NECAB2: variants seen among roughly 807,000 people sequenced by gnomAD.
The protein encoded by NECAB2 is N-terminal EF-hand calcium binding protein 2, also known as N-terminal EF-hand calcium-binding protein 2.
In NECAB2, 68 loss-of-function variants were observed where a neutral mutation model predicts 51.9. That is an observed-to-expected ratio of 1.31 (90% confidence interval 1.08 to 1.60). NECAB2 has a LOEUF of 1.60. Among genes scored for constraint, NECAB2 ranks in the 40% most tolerant of loss-of-function variants. The pLI, the probability that NECAB2 is intolerant of heterozygous loss-of-function variation, is 0.00. For missense variants in NECAB2, 854 were observed against 490.3 expected (o/e 1.74, Z -7.00); for synonymous variants, 329 against 203.5 (o/e 1.62, Z -5.25).
At chr16:83,991,867 G>T (rs1374709285) in intron 6 of NECAB2, among the ~76,000 whole-genome samples, 1 of 149,900 alleles carries the variant, frequency 6.7e-6, no homozygotes, top group Non-Finnish European at 1.5e-5. Context: ...TGTTGGCCAG[G>T]CTGTTCTCAA....
intron 10 of NECAB2, among the ~76,000 whole-genome samples, chr16:83,999,456 G>C (rs2084777427): frequency 6.6e-6 from 1 of 152,174 alleles, no homozygotes; most frequent in Non-Finnish European, 1.5e-5. Flanking sequence ...CGGCAAGCCT[G>C]GAGAGCCAGG....
chr16:83,994,444 TGG>T, intron 7 of NECAB2, 24 bp downstream of exon 7: 1 of 1,612,052 alleles, frequency 6.2e-7, no homozygotes, highest in Non-Finnish European at 8.5e-7. Flanking sequence ...GGGGCCCTGG[TGG>T]GGGTACCAGC....
At chr16:83,979,718 G>T in intron 3 of NECAB2, among the ~76,000 whole-genome samples, 1 of 141,356 alleles carries the variant, frequency 7.1e-6, no homozygotes, top group Admixed American at 7.0e-5. Context: ...GGAGGCACTG[G>T]TTTGAGAGTC....
intron 2 of NECAB2, among the ~76,000 whole-genome samples, chr16:83,975,772 A>G (rs2084401581): frequency 6.6e-6 from 1 of 152,160 alleles, no homozygotes; most frequent in African/African-American, 2.4e-5. Flanking sequence ...GGCATTTGAA[A>G]GGTCATGGAG....
At chr16:83,996,145 C>G (rs1229266605) in intron 8 of NECAB2, among the ~76,000 whole-genome samples, 1 of 152,180 alleles carries the variant, frequency 6.6e-6, no homozygotes, top group Non-Finnish European at 1.5e-5. Flanking sequence ...CTCTAGGGGC[C>G]CCTGGCTGGG....
intron 2 of NECAB2, among the ~76,000 whole-genome samples, chr16:83,974,022 C>T (rs776403539): frequency 1.4e-5 from 2 of 147,556 alleles, no homozygotes; most frequent in Non-Finnish European, 2.9e-5. Flanking sequence ...CTCCCCCCAT[C>T]AGAGGCCATG....
chr16:83,992,988 A>G (rs545931152), intron 6 of NECAB2, among the ~76,000 whole-genome samples: 1 of 152,206 alleles, frequency 6.6e-6, no homozygotes, highest in Non-Finnish European at 1.5e-5. Context: ...GGTCAGCTCC[A>G]TCACGCGTCA....
chr16:83,968,579 TCG>T lies in NECAB2; in HGVS notation c.-65_-64del, dbSNP rs1045204912. 5 of 958,900 alleles carry T rather than the reference TCG, an allele frequency of 5.2e-6. No individual in the cohort carries two copies. The African/African-American group carries it at 9.2e-5, about 18-fold the overall frequency. 59.4% of individuals were successfully genotyped at this position (958,900 alleles called of 1,614,324 possible). On this transcript the variant is annotated 5_prime_UTR_variant, in exon 1 of 13. Transcript: ENST00000305202. ...CGGCGCGGGCAGCGCGGGGAGGGGG[TCG>T]CGCGGGGGCGGGCCGCAGCTGGGCG...
intron 5 of NECAB2, among the ~76,000 whole-genome samples, chr16:83,984,231 G>A (rs1451353407): frequency 6.6e-5 from 10 of 151,602 alleles, no homozygotes; most frequent in African/African-American, 1.9e-4. Flanking sequence ...TCCTGACCTC[G>A]TGATCTGTCC....
Position 84,000,701 on chromosome 16 carries a change from C to A in NECAB2, c.963-23C>A, listed in dbSNP as rs760144985. On this transcript the variant is annotated intron_variant, in intron 10 of 12. Transcript: ENST00000305202. ...GCCTTGGTTGAGCTCCAGCCTCCTC[C>A]CCCCGACCATCTCCTGTTGCAGCAT... is the stretch of plus-strand genomic sequence containing the variant. 3.1e-6 allele frequency: 5 copies of A among 1,612,358 alleles called. No homozygotes were observed. In the African/African-American group the frequency reaches 5.3e-5, roughly 17 times the overall value.
intron 5 of NECAB2, among the ~76,000 whole-genome samples, chr16:83,989,311 C>T (rs1359075641): frequency 6.6e-6 from 1 of 152,188 alleles, no homozygotes; most frequent in South Asian, 2.1e-4. Context: ...CCAGCAGACC[C>T]TGGTCTGGCT....
Sources: allele counts gnomAD v4.1 joint callset (sites outside exome capture counted in the v4.1 genomes callset), GRCh38; gene constraint gnomAD v4.1.1; transcripts MANE v1.5; gene names NCBI Gene and HGNC (gene_info 2026-07-23, HGNC 2026-07-21).